Variants in DPP6 observed in about 807,000 individuals in gnomAD.
DPP6 encodes A-type potassium channel modulatory protein DPP6.
Under a neutral mutation model 122.6 loss-of-function variants are expected in DPP6, and 69 were observed. That is an observed-to-expected ratio of 0.56 (90% CI 0.46 to 0.69). The LOEUF is 0.69. DPP6 is among the 30% of genes least tolerant of loss of function. DPP6 has a pLI of 0.00. For missense variants in DPP6, 928 were observed against 1,116.9 expected, an observed-to-expected ratio of 0.83 and a Z score of 2.41; for synonymous variants, 418 against 433.1, an observed-to-expected ratio of 0.97 and a Z score of 0.43.
the DPP6 span, among the ~76,000 whole-genome samples, chr7:153,853,565 C>A: frequency 3.3e-5 from 5 of 152,220 alleles, no homozygotes; most frequent in African/African-American, 1.2e-4. Context: ...TAAGGAAATA[C>A]CTCTGTGACT....
chr7:154,284,431 A>G (rs918649137), intron 1 of DPP6, among the ~76,000 whole-genome samples: 2 of 152,248 alleles, frequency 1.3e-5, no homozygotes, highest in African/African-American at 4.8e-5. Flanking sequence ...AAAAGGGGGA[A>G]ACAACCCAAG....
intron 1 of DPP6, among the ~76,000 whole-genome samples, chr7:154,303,031 G>C (rs1806014590): frequency 6.6e-6 from 1 of 152,172 alleles, no homozygotes; most frequent in Admixed American, 6.5e-5. Context: ...ACCCAGGCTG[G>C]AGTGCAATGG....
At chr7:153,784,947 AT>A in the DPP6 span, among the ~76,000 whole-genome samples, 1 of 152,248 alleles carries the variant, frequency 6.6e-6, no homozygotes, top group African/African-American at 2.4e-5. Context: ...CATTTAGCTA[AT>A]TCCCAATTAA....
intron 6 of DPP6, among the ~76,000 whole-genome samples, chr7:154,638,971 A>G (rs1368719350): frequency 6.6e-6 from 1 of 152,138 alleles, no homozygotes; most frequent in African/African-American, 2.4e-5. Flanking sequence ...TGTGCTGCAG[A>G]TAGTGTCATG....
intron 7 of DPP6, among the ~76,000 whole-genome samples, chr7:154,716,052 TA>T (rs1431083772): frequency 6.6e-6 from 1 of 152,228 alleles, no homozygotes; most frequent in Non-Finnish European, 1.5e-5. Flanking sequence ...TGAATCCTAA[TA>T]TTTTTCAAAT....
chr7:154,748,327 T>C (rs1843133937), intron 8 of DPP6, among the ~76,000 whole-genome samples: 1 of 152,176 alleles, frequency 6.6e-6, no homozygotes, highest in South Asian at 2.1e-4. Context: ...CTTGGAGAAT[T>C]TGCACAAAGG....
chr7:153,804,982 T>C, the DPP6 span, among the ~76,000 whole-genome samples: 1 of 152,126 alleles, frequency 6.6e-6, no homozygotes, highest in Non-Finnish European at 1.5e-5. Flanking sequence ...CTTGACTCTA[T>C]TGGTGTTGAA....
rs1273000296 is a variant in DPP6, at chr7:154,586,620, C to T, written c.627+19704C>T. Among the ~76,000 whole-genome samples the T allele has an allele frequency of 4.6e-5, 7 of 152,306 alleles. No homozygotes were observed. The South Asian group carries it at 6.2e-4, about 14-fold the overall frequency. On this transcript the variant is annotated intron_variant, in intron 5 of 25. Transcript: ENST00000377770. ...GATGGCACCATCCATGTGTTGCTCT[C>T]GATCCCTGTTCTCTAGATTAGCTAA...
chr7:153,794,898 A>G, the DPP6 span, among the ~76,000 whole-genome samples: 8,829 of 152,126 alleles, frequency 0.058, 280 homozygotes, highest in African/African-American at 0.074. Context: ...TCTCGCCGCC[A>G]TCATGTAAGA....
intron 5 of DPP6, among the ~76,000 whole-genome samples, chr7:154,589,532 G>T (rs1449029910): frequency 6.6e-6 from 1 of 152,328 alleles, no homozygotes; most frequent in Non-Finnish European, 1.5e-5. Context: ...CTGCAGTGAC[G>T]GAAATGGTCT....
intron 5 of DPP6, among the ~76,000 whole-genome samples, chr7:154,586,902 C>T (rs1832491530): frequency 6.6e-6 from 1 of 152,256 alleles, no homozygotes; most frequent in Admixed American, 6.5e-5. Context: ...GTGAGCCCCT[C>T]ATGAGCAGGA....
chr7:153,866,212 C>T, the DPP6 span, among the ~76,000 whole-genome samples: 5 of 152,214 alleles, frequency 3.3e-5, 1 homozygote, highest in South Asian at 1.0e-3. Context: ...GTTCTAGATC[C>T]CCGAGGAATC....
In DPP6 at chr7:154,483,388, A is replaced by ATTTT. The variant is rs5888575; in HGVS notation, c.457+8361_457+8364dup. Among the ~76,000 whole-genome samples, 161 of 149,870 alleles carry ATTTT rather than the reference A, an allele frequency of 1.1e-3. 1 individual carries two copies. In the East Asian group the frequency reaches 0.015, roughly 14 times the overall value. On this transcript the variant is annotated intron_variant, in intron 3 of 25. Transcript: ENST00000377770. This position sits in a 1 kb window ranked among gnomAD's most constrained non-coding sequence, Gnocchi z 8.1. Reference sequence around the variant, plus strand: ...TAAAGGTAAACTGAGGCACAATACAATTTTTTTTTTTTTAAAAGCATTTAT... The same window carrying ATTTT: ...TAAAGGTAAACTGAGGCACAATACAATTTTTTTTTTTTTTTTTAAAAGCATTTAT...
chr7:154,361,243 C>G (rs1811698433), intron 1 of DPP6, among the ~76,000 whole-genome samples: 1 of 152,078 alleles, frequency 6.6e-6, no homozygotes, highest in South Asian at 2.1e-4. Flanking sequence ...AGATTGATTT[C>G]TAGTGACAAT....
intron 10 of DPP6, among the ~76,000 whole-genome samples, chr7:154,784,029 C>A (rs1334458487): frequency 6.6e-6 from 1 of 152,104 alleles, no homozygotes; most frequent in East Asian, 1.9e-4. Context: ...GGGAACTGCA[C>A]AAGGAAAGGA....
rs73483857 is a variant in DPP6, at chr7:154,564,952, A to G, written c.553-1890A>G. 7.5e-3 allele frequency among the ~76,000 whole-genome samples: 1,145 copies of G among 152,280 alleles called. 19 individuals carry two copies. Among genetic ancestry groups the G allele is most frequent in the African/African-American group, 0.026 (1,067 of 41,556 alleles). On this transcript the variant is annotated intron_variant, in intron 4 of 25. Coordinates refer to ENST00000377770, the MANE Select transcript of DPP6 (RefSeq NM_130797.4). ...TGCTCCATTTTTTTGCATGTTTGTA[A>G]CTTACACTGGTGATCTCACTGTTGA...
At chr7:154,767,164 G>A (rs1412483413) in intron 8 of DPP6, among the ~76,000 whole-genome samples, 1 of 152,016 alleles carries the variant, frequency 6.6e-6, no homozygotes, top group Non-Finnish European at 1.5e-5. Context: ...TTCCCGAGTC[G>A]GCTGTGAATT....
the DPP6 span, among the ~76,000 whole-genome samples, chr7:153,868,682 A>T: frequency 5.4e-4 from 82 of 151,780 alleles, no homozygotes; most frequent in African/African-American, 1.9e-3. Context: ...GTTATTTCTT[A>T]CCTTCTGCTA....
chr7:154,575,737 GTA>G (rs1217674407), intron 5 of DPP6, among the ~76,000 whole-genome samples: 4 of 145,496 alleles, frequency 2.7e-5, no homozygotes, highest in Middle Eastern at 3.4e-3. Context: ...TGTGGTATGT[GTA>G]TGTGTGTGTG....
Sources: allele counts gnomAD v4.1 joint callset (sites outside exome capture counted in the v4.1 genomes callset), GRCh38; gene constraint gnomAD v4.1.1; non-coding constraint Gnocchi (gnomAD v3.1); transcripts MANE v1.5; gene names NCBI Gene and HGNC (gene_info 2026-07-23, HGNC 2026-07-21).